Variants in PDLIM5 observed in about 807,000 individuals in gnomAD.
The protein encoded by PDLIM5 is PDZ and LIM domain protein 5.
A neutral mutation model predicts 64.2 loss-of-function variants in PDLIM5; 34 were observed. That is an observed-to-expected ratio of 0.53 (90% confidence interval 0.40 to 0.71). PDLIM5 has a LOEUF of 0.71. Among genes scored for constraint, PDLIM5 ranks in the 30% least tolerant of loss-of-function variants. PDLIM5 has a pLI of 0.00. For missense variants in PDLIM5, 683 were observed against 733.6 expected (o/e 0.93, Z 0.80); for synonymous variants, 253 against 269.1 (o/e 0.94, Z 0.59).
intron 6 of PDLIM5, 72 bp downstream of exon 6, chr4:94,585,809 G>A (rs879420500): frequency 3.1e-5 from 37 of 1,211,490 alleles, no homozygotes; most frequent in Non-Finnish European, 4.1e-5. Flanking sequence ...AGACTGATTG[G>A]TAGTTGTCAG....
At chr4:94,489,127 C>G (rs1439758888) in intron 2 of PDLIM5, 1 of 152,226 alleles carries the variant, frequency 6.6e-6, no homozygotes, top group African/African-American at 2.4e-5. Context: ...GGCACTCCTT[C>G]ATTCTTGCGT....
Position 94,575,683 on chromosome 4 carries a change from C to T in PDLIM5, c.359C>T (p.Thr120Ile). 6.2e-7 allele frequency: 1 copy of T among 1,613,040 alleles called. No individual in the cohort carries two copies. The highest frequency in any genetic ancestry group is 8.5e-7 in the Non-Finnish European group (1 of 1,179,300). ...CCTGCTGTGTCCAAAGTCACTTCCA[C>T]AAACAACATGGCCTACAATAAGGCA... The part of the protein sequence containing the change: ...TSPAVSKVTS[T>I]NNMAYNKAPR... Residue 120 changes from threonine (T) to isoleucine (I), a missense_variant, in exon 5 of 13, where the codon ACA (threonine) becomes ATA (isoleucine). Physicochemically the swap from Thr to Ile is moderately conservative, Grantham distance 89. Transcript: ENST00000317968.
At chr4:94,649,566 A>G (rs747904784) in intron 9 of PDLIM5, among the ~76,000 whole-genome samples, 1 of 152,184 alleles carries the variant, frequency 6.6e-6, no homozygotes, top group Admixed American at 6.5e-5. Flanking sequence ...CTATGTTAGC[A>G]TATAAGTTCC....
chr4:94,509,541 GAATA>G (rs567346069), intron 2 of PDLIM5, among the ~76,000 whole-genome samples: 18 of 152,144 alleles, frequency 1.2e-4, no homozygotes, highest in Non-Finnish European at 2.4e-4. Flanking sequence ...TAGAATGAAT[GAATA>G]TTTTATTTCT....
intron 3 of PDLIM5, among the ~76,000 whole-genome samples, chr4:94,565,975 C>A (rs981469075): frequency 6.6e-6 from 1 of 151,912 alleles, no homozygotes; most frequent in Non-Finnish European, 1.5e-5. Flanking sequence ...TGAATTAAAC[C>A]AAAAATGGCA....
chr4:94,612,649 G>A (rs1738471550), intron 7 of PDLIM5, among the ~76,000 whole-genome samples: 1 of 152,168 alleles, frequency 6.6e-6, no homozygotes, highest in Admixed American at 6.5e-5. Flanking sequence ...ATTAACAATA[G>A]GACACAGACA....
At chr4:94,559,376 A>G (rs1185008715) in intron 3 of PDLIM5, among the ~76,000 whole-genome samples, 1 of 152,200 alleles carries the variant, frequency 6.6e-6, no homozygotes, top group Non-Finnish European at 1.5e-5. Context: ...TCTTCTAGCC[A>G]TACTCATCAA....
chr4:94,604,282 A>C (rs35876362), intron 7 of PDLIM5, among the ~76,000 whole-genome samples: 1 of 152,208 alleles, frequency 6.6e-6, no homozygotes, highest in African/African-American at 2.4e-5. Flanking sequence ...GTATGATTCC[A>C]CTGATAGGAG....
intron 3 of PDLIM5, among the ~76,000 whole-genome samples, chr4:94,542,128 A>G (rs1731860604): frequency 6.6e-6 from 1 of 152,200 alleles, no homozygotes; most frequent in East Asian, 1.9e-4. Context: ...CTTGGCCAAC[A>G]TGGTGAAACT....
chr4:94,489,217 G>A (rs1726632051), intron 2 of PDLIM5: 1 of 152,172 alleles, frequency 6.6e-6, no homozygotes, highest in Non-Finnish European at 1.5e-5. Context: ...ACAAGTAGCT[G>A]TGTTAGCAGC....
rs187678121 is a variant in PDLIM5, at chr4:94,586,094, G to A, written c.884-314G>A. On this transcript the variant is annotated intron_variant, in intron 6 of 12. Transcript: ENST00000317968. ...CTGAGGCAGGAGAATCATTTGAACCGGGGAGGCAGAGATTGCAGTGAGCTG... is the reference window on the plus strand; with the variant it reads ...CTGAGGCAGGAGAATCATTTGAACCAGGGAGGCAGAGATTGCAGTGAGCTG... Among the ~76,000 whole-genome samples the A allele has an allele frequency of 3.9e-3, 599 of 152,130 alleles. 6 individuals are homozygous for A. The highest frequency in any genetic ancestry group is 0.014 in the African/African-American group (564 of 41,540).
chr4:94,579,059 A>G (rs1735524446), intron 5 of PDLIM5, among the ~76,000 whole-genome samples: 1 of 152,068 alleles, frequency 6.6e-6, no homozygotes, highest in Non-Finnish European at 1.5e-5. Context: ...TGTTCATCCT[A>G]ATAGCATGAA....
intron 8 of PDLIM5, among the ~76,000 whole-genome samples, chr4:94,621,229 T>A (rs1168587950): frequency 6.6e-6 from 1 of 152,180 alleles, no homozygotes; most frequent in Non-Finnish European, 1.5e-5. Context: ...TCTCTGAAAT[T>A]TCTGGACTAC....
In PDLIM5 at chr4:94,588,181, A is replaced by G. The variant is rs377202992; in HGVS notation, c.920+1737A>G. 41 of 967,896 alleles carry G rather than the reference A, an allele frequency of 4.2e-5. No homozygotes were observed. In the African/African-American group the frequency reaches 6.7e-4, roughly 16 times the overall value. 60.0% of individuals were successfully genotyped at this position (967,896 alleles called of 1,614,324 possible). A position where few individuals can be genotyped will look rare whatever the true frequency, so the allele number is the denominator to read the frequency against. On this transcript the variant is annotated intron_variant, in intron 7 of 12. Coordinates refer to ENST00000317968, the MANE Select transcript of PDLIM5 (RefSeq NM_006457.5). The stretch of plus-strand genomic sequence containing the variant: ...CTAGACACAGTGCCATCCAGGACTT[A>G]TTACAGTATAACTGGGTAAAATAAA...
intron 2 of PDLIM5, chr4:94,456,657 G>A: frequency 4.0e-6 from 4 of 1,010,744 alleles, no homozygotes; most frequent in Non-Finnish European, 1.4e-6. Flanking sequence ...AGTATTTGTG[G>A]CATTTCCATA....
chr4:94,554,638 G>A (rs933677944), intron 3 of PDLIM5, among the ~76,000 whole-genome samples: 1 of 152,112 alleles, frequency 6.6e-6, no homozygotes, highest in Admixed American at 6.6e-5. Flanking sequence ...TTATAATTTT[G>A]ACAAATGCAT....
At chr4:94,625,899 G>C (rs1478666506) in intron 8 of PDLIM5, among the ~76,000 whole-genome samples, 1 of 152,162 alleles carries the variant, frequency 6.6e-6, no homozygotes, top group Non-Finnish European at 1.5e-5. Context: ...CTGTGAGACA[G>C]TTTGGATATG....
chr4:94,528,035 C>T (rs991868979), intron 3 of PDLIM5, among the ~76,000 whole-genome samples: 11 of 152,266 alleles, frequency 7.2e-5, no homozygotes, highest in African/African-American at 2.6e-4. Context: ...CTCAGAAGGT[C>T]GTGTTCTTTG....
chr4:94,452,236 C>G (rs1387655101), intron 1 of PDLIM5, among the ~76,000 whole-genome samples: 1 of 152,166 alleles, frequency 6.6e-6, no homozygotes, highest in Non-Finnish European at 1.5e-5. Flanking sequence ...GGCCAGAGGG[C>G]GAGCCCTGGG....
Sources: allele counts gnomAD v4.1 joint callset (sites outside exome capture counted in the v4.1 genomes callset), GRCh38; gene constraint gnomAD v4.1.1; transcripts MANE v1.5; gene names NCBI Gene and HGNC (gene_info 2026-07-23, HGNC 2026-07-21).